Variants in CDH13 observed in about 807,000 individuals in gnomAD.
CDH13 encodes the protein cadherin-13.
CDH13 carries 24 observed loss-of-function variants against 63.8 expected under a neutral mutation model. The observed-to-expected ratio is 0.38, with a 90% CI of 0.27 to 0.53. The LOEUF (loss-of-function observed/expected upper bound fraction) is 0.53, where lower values mean the gene tolerates loss of function less well. CDH13 is among the 20% of genes least tolerant of loss of function. The pLI is 0.85. For synonymous variants in CDH13, 503 were observed against 355.3 expected (o/e 1.42, Z -4.67); for missense variants, 1,049 against 903.1 (o/e 1.16, Z -2.07).
chr16:82,754,841 T>C (rs1026076757), intron 1 of CDH13, among the ~76,000 whole-genome samples: 4 of 152,216 alleles, frequency 2.6e-5, no homozygotes, highest in Admixed American at 6.5e-5. Context: ...AACTAGTGTT[T>C]GTCACAGTCA....
chr16:83,670,143 A>T (rs902305400), intron 8 of CDH13, among the ~76,000 whole-genome samples: 2 of 152,200 alleles, frequency 1.3e-5, no homozygotes, highest in African/African-American at 4.8e-5. Flanking sequence ...TTAAAACTGG[A>T]TATGGAGTGG....
chr16:83,057,045 C>A (rs768239905), intron 3 of CDH13, among the ~76,000 whole-genome samples: 1 of 152,164 alleles, frequency 6.6e-6, no homozygotes, highest in Admixed American at 6.5e-5. Context: ...CAGCTCACTG[C>A]AACCTCTGAC....
chr16:83,363,188 A>G (rs890960425), intron 6 of CDH13, among the ~76,000 whole-genome samples: 2 of 152,210 alleles, frequency 1.3e-5, no homozygotes, highest in African/African-American at 4.8e-5. Context: ...CACAGCTTAA[A>G]CATCACAGGT....
chr16:83,360,415 G>C (rs1223668260), intron 6 of CDH13, among the ~76,000 whole-genome samples: 1 of 151,944 alleles, frequency 6.6e-6, no homozygotes, highest in African/African-American at 2.4e-5. Flanking sequence ...AATTTTAGTT[G>C]GTTTGATTGT....
At chr16:82,853,982 A>G (rs1597805884) in intron 1 of CDH13, among the ~76,000 whole-genome samples, 1 of 152,344 alleles carries the variant, frequency 6.6e-6, no homozygotes, top group South Asian at 2.1e-4. Flanking sequence ...TCTAATTCTT[A>G]CAGCAATGAG....
At chr16:83,263,869 A>C (rs1320354479) in intron 5 of CDH13, among the ~76,000 whole-genome samples, 1 of 152,104 alleles carries the variant, frequency 6.6e-6, no homozygotes, top group African/African-American at 2.4e-5. Flanking sequence ...ACTACTTGCC[A>C]CTGAGGCTGA....
chr16:83,272,952 A>G (rs2088870347), intron 5 of CDH13, among the ~76,000 whole-genome samples: 1 of 152,182 alleles, frequency 6.6e-6, no homozygotes, highest in Non-Finnish European at 1.5e-5. Context: ...TTGTTAATAT[A>G]GTACAGTGAG....
At chr16:83,534,303 C>A (rs2075141887) in intron 7 of CDH13, among the ~76,000 whole-genome samples, 1 of 152,120 alleles carries the variant, frequency 6.6e-6, no homozygotes, top group Non-Finnish European at 1.5e-5. Flanking sequence ...AATACCAGTC[C>A]CTTCATTTTT....
intron 6 of CDH13, among the ~76,000 whole-genome samples, chr16:83,434,458 C>T (rs1193473253): frequency 6.6e-6 from 1 of 152,062 alleles, no homozygotes; most frequent in Non-Finnish European, 1.5e-5. Context: ...CCAGCCCTGC[C>T]ACCTCTCTTC....
intron 2 of CDH13, among the ~76,000 whole-genome samples, chr16:83,031,512 C>T (rs891462697): frequency 6.6e-6 from 1 of 151,582 alleles, no homozygotes; most frequent in African/African-American, 2.4e-5. Context: ...TTCCCTGAAT[C>T]TGTTTTGCTA....
intron 7 of CDH13, among the ~76,000 whole-genome samples, chr16:83,554,392 A>G (rs1251982616): frequency 6.6e-6 from 1 of 152,218 alleles, no homozygotes; most frequent in Non-Finnish European, 1.5e-5. Context: ...AAAGGAGCAT[A>G]TAATGGTGAT....
intron 2 of CDH13, among the ~76,000 whole-genome samples, chr16:82,918,579 G>A (rs911249947): frequency 7.0e-6 from 1 of 143,742 alleles, no homozygotes. Context: ...CACTATCTCC[G>A]ATCCCTGGAA....
rs1389180769 is a variant in CDH13, at chr16:83,125,396, A to T, written c.378A>T (p.Lys126Asn). 6.3e-7 allele frequency: 1 copy of T among 1,580,658 alleles called. No homozygotes were observed. Among genetic ancestry groups the T allele is most frequent in the Non-Finnish European group, 8.7e-7 (1 of 1,149,990 alleles). The change falls in exon 4 of 14, where the codon AAA (lysine) becomes AAT (asparagine). Residue 126 changes from lysine (K) to asparagine (N), a missense_variant. Transcript: ENST00000567109. The stretch of plus-strand genomic sequence containing the variant: ...GTTTTCCCTTTTAGGATATATTTAA[A>T]TTTGCAAGAACTTCTCCTGTCCCAA... ...DIQGSLQDIFKFARTSPVPRQ... is the reference protein window; with the variant it reads ...DIQGSLQDIFNFARTSPVPRQ...
chr16:82,907,869 A>G (rs116855490), intron 2 of CDH13, among the ~76,000 whole-genome samples: 52 of 152,288 alleles, frequency 3.4e-4, no homozygotes, highest in Non-Finnish European at 6.9e-4. Context: ...TAGAGATAGT[A>G]TGTCTTTGAA....
At chr16:83,594,445 CTTA>C (rs1348883416) in intron 7 of CDH13, among the ~76,000 whole-genome samples, 1 of 108,252 alleles carries the variant, frequency 9.2e-6, no homozygotes, top group Non-Finnish European at 2.3e-5. Flanking sequence ...TTGACTCCTT[CTTA>C]AATGTCAACC....
At chr16:83,386,349 T>TG (rs1348578541) in intron 6 of CDH13, among the ~76,000 whole-genome samples, 4 of 152,144 alleles carry the variant, frequency 2.6e-5, no homozygotes, top group Admixed American at 1.3e-4. Context: ...GCTGGAATGT[T>TG]GGGGGCAGCG....
At chr16:83,314,343 C>T (rs2090061588) in intron 5 of CDH13, among the ~76,000 whole-genome samples, 1 of 151,660 alleles carries the variant, frequency 6.6e-6, no homozygotes. Flanking sequence ...GATAAATGTA[C>T]AGGAGAAATA....
At chr16:82,979,812 A>G (rs1910021101) in intron 2 of CDH13, among the ~76,000 whole-genome samples, 1 of 152,202 alleles carries the variant, frequency 6.6e-6, no homozygotes, top group African/African-American at 2.4e-5. Context: ...ATAAGATCAG[A>G]ACAGATTATC....
At chr16:82,799,224 A>G (rs1277167560) in intron 1 of CDH13, among the ~76,000 whole-genome samples, 1 of 152,202 alleles carries the variant, frequency 6.6e-6, no homozygotes, top group Admixed American at 6.5e-5. Flanking sequence ...AAAGTCTAAT[A>G]CATGTTATTT....
Sources: gnomAD v4.1 joint callset for allele counts (sites outside exome capture counted in the v4.1 genomes callset) on GRCh38, gnomAD v4.1.1 for gene constraint, MANE v1.5 for transcripts, NCBI Gene and HGNC (gene_info 2026-07-23, HGNC 2026-07-21) for gene names.